The following MACROD2 variants were observed in gnomAD, a reference collection of about 807,000 sequenced individuals.
MACROD2 encodes mono-ADP ribosylhydrolase 2, also known as ADP-ribose glycohydrolase MACROD2.
A neutral mutation model predicts 70.4 loss-of-function variants in MACROD2; 36 were observed. The ratio of observed to expected loss-of-function variants is 0.51; its 90% CI spans 0.39 to 0.68. The LOEUF is 0.68. Ranked by LOEUF, MACROD2 falls within the 30% of genes least tolerant of loss-of-function variation. MACROD2 has a pLI of 0.00. For synonymous variants in MACROD2, 172 were observed against 178.8 expected (o/e 0.96, Z 0.30); for missense variants, 496 against 538.4 (o/e 0.92, Z 0.78).
chr20:15,541,887 C>T lies in MACROD2; in HGVS notation c.645+42040C>T, dbSNP rs569082875. ...CTCATATAATGCTCTCCCTTCCCCA[C>T]TACACCACATGGGAATGTTATGGTT... On this transcript the variant is annotated intron_variant, in intron 8 of 17. Transcript: ENST00000684519. 8.2e-4 allele frequency among the ~76,000 whole-genome samples: 125 copies of T among 152,290 alleles called. 1 individual carries two copies. Among genetic ancestry groups the T allele is most frequent in the Non-Finnish European group, 1.6e-3 (108 of 68,022 alleles).
At chr20:14,120,208 C>T (rs557834022) in intron 3 of MACROD2, among the ~76,000 whole-genome samples, 102 of 60,560 alleles carry the variant, frequency 1.7e-3, no homozygotes, top group African/African-American at 6.9e-3. Flanking sequence ...AGTGAGACTC[C>T]GTCTCAAAAA....
At chr20:15,745,821 C>A (rs1009903978) in intron 8 of MACROD2, among the ~76,000 whole-genome samples, 2 of 152,082 alleles carry the variant, frequency 1.3e-5, no homozygotes, top group Admixed American at 1.3e-4. Flanking sequence ...GACCTTTCCC[C>A]ATCAGCTTCT....
intron 5 of MACROD2, among the ~76,000 whole-genome samples, chr20:15,170,429 G>A (rs2076414901): frequency 6.6e-6 from 1 of 152,132 alleles, no homozygotes; most frequent in Non-Finnish European, 1.5e-5. Flanking sequence ...AGTCAGGTAG[G>A]ACCAGCTTCT....
At chr20:14,857,430 G>A (rs1438715332) in intron 5 of MACROD2, among the ~76,000 whole-genome samples, 1 of 152,132 alleles carries the variant, frequency 6.6e-6, no homozygotes, top group African/African-American at 2.4e-5. Flanking sequence ...GCTTCCTTAT[G>A]TGCTGCATTT....
At chr20:15,018,023 A>G (rs1157357782) in intron 5 of MACROD2, among the ~76,000 whole-genome samples, 2 of 152,164 alleles carry the variant, frequency 1.3e-5, no homozygotes, top group South Asian at 2.1e-4. Flanking sequence ...GCTCCTTACT[A>G]CTTATGCAAA....
intron 5 of MACROD2, among the ~76,000 whole-genome samples, chr20:14,818,810 G>A (rs1043380177): frequency 1.2e-4 from 7 of 60,492 alleles, no homozygotes; most frequent in African/African-American, 4.7e-4. Context: ...GATTGTTTTT[G>A]TTTCTCTTCC....
At chr20:15,047,011 C>G (rs2075399803) in intron 5 of MACROD2, among the ~76,000 whole-genome samples, 1 of 152,164 alleles carries the variant, frequency 6.6e-6, no homozygotes, top group African/African-American at 2.4e-5. Context: ...TTTGATAACT[C>G]ACTGCATTCA....
chr20:15,118,214 G>T (rs1465038947), intron 5 of MACROD2, among the ~76,000 whole-genome samples: 26 of 76,480 alleles, frequency 3.4e-4, no homozygotes, highest in Non-Finnish European at 5.9e-4. Context: ...TTTTTTTTGA[G>T]CCAGGGTCTC....
chr20:14,977,759 T>C (rs2423892), intron 5 of MACROD2, among the ~76,000 whole-genome samples: 64,166 of 151,826 alleles, frequency 0.42, 13,897 homozygotes, highest in African/African-American at 0.51. Flanking sequence ...AAAGGGAAGA[T>C]GAGGAAGGAC....
chr20:15,765,825 T>G (rs1408541358), intron 8 of MACROD2, among the ~76,000 whole-genome samples: 2 of 152,184 alleles, frequency 1.3e-5, no homozygotes, highest in African/African-American at 4.8e-5. Context: ...CTTCACCCAA[T>G]GTTGCAATGA....
chr20:15,444,109 C>T (rs2146380121), intron 7 of MACROD2, among the ~76,000 whole-genome samples: 1 of 152,332 alleles, frequency 6.6e-6, no homozygotes, highest in South Asian at 2.1e-4. Flanking sequence ...TGCTAATCTA[C>T]ACTTGATCTC....
At chr20:15,046,171 G>A (rs1302221129) in intron 5 of MACROD2, among the ~76,000 whole-genome samples, 1 of 147,548 alleles carries the variant, frequency 6.8e-6, no homozygotes, top group Non-Finnish European at 1.5e-5. Context: ...GCCACATAAG[G>A]TAAAAATTAA....
At chr20:15,437,109 T>G (rs2046437242) in intron 7 of MACROD2, among the ~76,000 whole-genome samples, 1 of 152,190 alleles carries the variant, frequency 6.6e-6, no homozygotes, top group Non-Finnish European at 1.5e-5. Context: ...TGTAAATTGG[T>G]GTGCTAAGAA....
At chr20:15,803,555 T>C (rs1022833441) in intron 8 of MACROD2, among the ~76,000 whole-genome samples, 1 of 152,086 alleles carries the variant, frequency 6.6e-6, no homozygotes, top group Non-Finnish European at 1.5e-5. Context: ...ACATTAAAAA[T>C]AATGGTGGTC....
rs760263873 is a variant in MACROD2, at chr20:14,099,773, A to G, written c.271+14045A>G. Among the ~76,000 whole-genome samples, 4 of 152,166 alleles carry G rather than the reference A, an allele frequency of 2.6e-5. 1 individual carries two copies. The highest frequency in any genetic ancestry group is 6.5e-5 in the Admixed American group (1 of 15,270). On this transcript the variant is annotated intron_variant, in intron 3 of 17. Transcript: ENST00000684519. ...GTGTGGTTTTCACTTTATACTTCCA[A>G]TAGCAGTGTATGAGAGTTCTTATTG...
At chr20:15,316,292 G>A (rs990085605) in intron 6 of MACROD2, among the ~76,000 whole-genome samples, 8 of 152,048 alleles carry the variant, frequency 5.3e-5, no homozygotes, top group African/African-American at 9.6e-5. Flanking sequence ...ATAAAAACAC[G>A]ATTCCAGAGA....
intron 6 of MACROD2, among the ~76,000 whole-genome samples, chr20:15,239,184 ATT>A (rs113667803): frequency 1.3e-4 from 18 of 137,950 alleles, no homozygotes; most frequent in East Asian, 2.1e-4. Flanking sequence ...AAATGTTCAG[ATT>A]TTTTTTTTTT....
intron 6 of MACROD2, among the ~76,000 whole-genome samples, chr20:15,358,973 G>A (rs1340611596): frequency 6.6e-6 from 1 of 152,118 alleles, no homozygotes; most frequent in Admixed American, 6.5e-5. Flanking sequence ...TTAGTCCATA[G>A]CAAAGGTTAA....
At chr20:14,290,292 A>T (rs1412396767) in intron 3 of MACROD2, among the ~76,000 whole-genome samples, 2 of 152,316 alleles carry the variant, frequency 1.3e-5, no homozygotes, top group South Asian at 4.1e-4. Flanking sequence ...AAATTAAAAG[A>T]TAGATACATA....
Sources: allele counts gnomAD v4.1 joint callset (sites outside exome capture counted in the v4.1 genomes callset), GRCh38; gene constraint gnomAD v4.1.1; transcripts MANE v1.5; gene names NCBI Gene and HGNC (gene_info 2026-07-23, HGNC 2026-07-21).